SAMD5: variants seen among roughly 807,000 people sequenced by gnomAD.
The protein encoded by SAMD5 is sterile alpha motif domain-containing protein 5.
In SAMD5, 13 loss-of-function variants were observed where a neutral mutation model predicts 11.3. The ratio of observed to expected loss-of-function variants is 1.15; its 90% CI spans 0.75 to 1.83. SAMD5 has a LOEUF of 1.83. Ranked by LOEUF, SAMD5 falls within the 40% of genes most tolerant of loss-of-function variation. The pLI, the probability that SAMD5 is intolerant of heterozygous loss-of-function variation, is 0.00. For synonymous variants in SAMD5, 129 were observed against 111.3 expected (o/e 1.16, Z -1.00); for missense variants, 255 against 239.1 (o/e 1.07, Z -0.44).
At chr6:147,712,777 G>T (rs1346103887) in intron 1 of SAMD5, among the ~76,000 whole-genome samples, 1 of 151,226 alleles carries the variant, frequency 6.6e-6, no homozygotes, top group African/African-American at 2.4e-5. Context: ...CACCAAATCT[G>T]CTGGCTTAGA....
At chr6:147,735,555 T>C (rs1306631595) in intron 1 of SAMD5, among the ~76,000 whole-genome samples, 1 of 152,194 alleles carries the variant, frequency 6.6e-6, no homozygotes, top group Non-Finnish European at 1.5e-5. Context: ...AGAAACTAAA[T>C]GTGCTAAATG....
the SAMD5 span, among the ~76,000 whole-genome samples, chr6:147,854,763 T>G: frequency 6.6e-6 from 1 of 152,104 alleles, no homozygotes; most frequent in Middle Eastern, 3.2e-3. Flanking sequence ...AGAAAAGAAT[T>G]AAAACATAAC....
At position 147,565,706 on chromosome 6, in the gene SAMD5, C is replaced by T. The variant is rs1203801833; in HGVS notation, c.*1250C>T. 1.0e-5 allele frequency: 9 copies of T among 902,646 alleles called. No individual in the cohort carries two copies. The highest frequency in any genetic ancestry group is 5.6e-4 in the Middle Eastern group (1 of 1,776). 55.9% of individuals were successfully genotyped at this position (902,646 alleles called of 1,614,324 possible). A position where few individuals can be genotyped will look rare whatever the true frequency, so the allele number is the denominator to read the frequency against. On this transcript the variant is annotated 3_prime_UTR_variant, in exon 2 of 2. Coordinates refer to ENST00000367474, the MANE Select transcript of SAMD5 (RefSeq NM_001030060.3). The stretch of plus-strand genomic sequence containing the variant: ...AACTCCTGGCCTCAAATGATCCACT[C>T]GCCGTGGCCTCCAGTAGCGCTGGGA...
intron 1 of SAMD5, among the ~76,000 whole-genome samples, chr6:147,616,373 G>A (rs1401808735): frequency 6.7e-6 from 1 of 149,198 alleles, no homozygotes; most frequent in East Asian, 2.0e-4. Context: ...ATATGCCACG[G>A]TCTGGCATAT....
chr6:147,855,331 C>G, the SAMD5 span, among the ~76,000 whole-genome samples: 1 of 152,056 alleles, frequency 6.6e-6, no homozygotes, highest in Non-Finnish European at 1.5e-5. Context: ...ATTTTGCTTA[C>G]AGAAGATAAA....
the SAMD5 span, among the ~76,000 whole-genome samples, chr6:147,873,437 G>T: frequency 6.6e-6 from 1 of 151,892 alleles, no homozygotes; most frequent in Non-Finnish European, 1.5e-5. Flanking sequence ...TTCTGACTGT[G>T]TTGTTAGTTG....
At chr6:147,521,770 C>A (rs1286096690) in intron 1 of SAMD5, among the ~76,000 whole-genome samples, 1 of 152,000 alleles carries the variant, frequency 6.6e-6, no homozygotes, top group East Asian at 1.9e-4. Context: ...AATGTGAAGA[C>A]CTTATCTTAA....
At chr6:147,700,919 CT>C (rs1308388286) in intron 1 of SAMD5, among the ~76,000 whole-genome samples, 9 of 152,138 alleles carry the variant, frequency 5.9e-5, no homozygotes, top group African/African-American at 2.2e-4. Context: ...TAAAATTTAT[CT>C]GATTCAAGAG....
At chr6:147,684,637 T>G (rs1790984008) in intron 1 of SAMD5, among the ~76,000 whole-genome samples, 1 of 152,194 alleles carries the variant, frequency 6.6e-6, no homozygotes, top group South Asian at 2.1e-4. Context: ...CATCCTTTTT[T>G]CGATTTGAGC....
At chr6:147,665,973 C>A (rs376341115) in intron 1 of SAMD5, among the ~76,000 whole-genome samples, 2 of 152,212 alleles carry the variant, frequency 1.3e-5, no homozygotes, top group Non-Finnish European at 1.5e-5. Flanking sequence ...GGGTCTCACT[C>A]TGTTGCCCCG....
the SAMD5 span, among the ~76,000 whole-genome samples, chr6:147,849,971 T>C: frequency 6.6e-6 from 1 of 152,198 alleles, no homozygotes; most frequent in Non-Finnish European, 1.5e-5. Flanking sequence ...CTAAGATGTG[T>C]TGTGATGAAA....
At chr6:147,815,194 A>C in the SAMD5 span, among the ~76,000 whole-genome samples, 2 of 152,248 alleles carry the variant, frequency 1.3e-5, no homozygotes, top group Non-Finnish European at 2.9e-5. Context: ...GACTCTGATC[A>C]CACAGAGGGT....
chr6:147,533,721 T>C (rs551380051), intron 1 of SAMD5, among the ~76,000 whole-genome samples: 42 of 152,204 alleles, frequency 2.8e-4, no homozygotes, highest in Non-Finnish European at 5.9e-4. Context: ...TGGGGCAGAC[T>C]GGCAGCTGCA....
the SAMD5 span, among the ~76,000 whole-genome samples, chr6:147,834,981 C>T: frequency 5.2e-3 from 798 of 152,244 alleles, 3 homozygotes; most frequent in Non-Finnish European, 8.6e-3. Context: ...GTAATCCCAG[C>T]ACTTTGGGAG....
At chr6:147,898,156 C>T in the SAMD5 span, among the ~76,000 whole-genome samples, 570 of 152,044 alleles carry the variant, frequency 3.7e-3, 2 homozygotes, top group African/African-American at 0.013. Flanking sequence ...GCTAAGCATA[C>T]CCACAGGACT....
chr6:147,571,274 A>G (rs943998420), downstream of SAMD5, among the ~76,000 whole-genome samples: 3 of 152,248 alleles, frequency 2.0e-5, no homozygotes, highest in East Asian at 1.9e-4. Context: ...AAGTTCACAA[A>G]TAAGTGTTTG....
At chr6:147,707,746 T>C (rs1390614007) in intron 1 of SAMD5, among the ~76,000 whole-genome samples, 1 of 152,166 alleles carries the variant, frequency 6.6e-6, no homozygotes, top group Non-Finnish European at 1.5e-5. Context: ...TACCACCCCA[T>C]ACTAAACAGA....
chr6:147,526,940 C>T (rs1164507738), intron 1 of SAMD5, among the ~76,000 whole-genome samples: 1 of 152,160 alleles, frequency 6.6e-6, no homozygotes, highest in Non-Finnish European at 1.5e-5. Flanking sequence ...TTACCTAACC[C>T]TGTTTATTTA....
At chr6:147,720,815 A>C (rs1437155254) in intron 1 of SAMD5, among the ~76,000 whole-genome samples, 2 of 147,902 alleles carry the variant, frequency 1.4e-5, no homozygotes, top group African/African-American at 2.5e-5. Context: ...GTCATCTAGC[A>C]TTAGGTATAT....
Sources: allele counts gnomAD v4.1 joint callset (sites outside exome capture counted in the v4.1 genomes callset), GRCh38; gene constraint gnomAD v4.1.1; transcripts MANE v1.5; gene names NCBI Gene and HGNC (gene_info 2026-07-23, HGNC 2026-07-21).